Variants in HYAL4 observed in about 807,000 individuals in gnomAD.
HYAL4 encodes hyaluronidase-4.
In HYAL4, 37 loss-of-function variants were observed where a neutral mutation model predicts 35.2. The observed-to-expected ratio is 1.05, with a 90% confidence interval of 0.81 to 1.38. The LOEUF (loss-of-function observed/expected upper bound fraction) is 1.38. HYAL4 is among the 40% of genes most tolerant of loss of function. HYAL4 has a pLI of 0.00. For missense variants in HYAL4, 572 were observed against 572.4 expected (o/e 1.00, Z 0.01); for synonymous variants, 198 against 203.2 (o/e 0.97, Z 0.22).
intron 2 of HYAL4, among the ~76,000 whole-genome samples, chr7:123,849,181 T>C (rs1242571896): frequency 6.6e-6 from 1 of 152,160 alleles, no homozygotes; most frequent in Non-Finnish European, 1.5e-5. Context: ...TGTATGTATG[T>C]ATATAAAGTG....
intron 2 of HYAL4, among the ~76,000 whole-genome samples, chr7:123,863,178 T>C (rs981467786): frequency 2.0e-5 from 3 of 152,210 alleles, no homozygotes; most frequent in African/African-American, 7.2e-5. Flanking sequence ...ATTTATTATC[T>C]CCCTCCCCTA....
the HYAL4 span, among the ~76,000 whole-genome samples, chr7:123,802,661 C>T: frequency 1.9e-4 from 29 of 152,008 alleles, no homozygotes; most frequent in South Asian, 6.2e-4. Flanking sequence ...TACTCTTCAA[C>T]GCCCTATAGA....
chr7:123,865,041 A>G (rs1420030713), intron 2 of HYAL4, among the ~76,000 whole-genome samples: 1 of 149,904 alleles, frequency 6.7e-6, no homozygotes, highest in Non-Finnish European at 1.5e-5. Context: ...TTTCAACTAC[A>G]GTGTCTTCCC....
chr7:123,844,542 G>A (rs1806135505), upstream of HYAL4, among the ~76,000 whole-genome samples: 2 of 152,174 alleles, frequency 1.3e-5, no homozygotes, highest in South Asian at 4.1e-4. Flanking sequence ...ACGCGGTGCT[G>A]GGAGAACCAC....
At chr7:123,789,884 A>G in the HYAL4 span, among the ~76,000 whole-genome samples, 1 of 152,148 alleles carries the variant, frequency 6.6e-6, no homozygotes, top group African/African-American at 2.4e-5. Flanking sequence ...CCAGAGCGAG[A>G]GTGAGAATGA....
chr7:123,773,653 A>G, the HYAL4 span, among the ~76,000 whole-genome samples: 52,156 of 152,114 alleles, frequency 0.34, 9,208 homozygotes, highest in Middle Eastern at 0.43. Flanking sequence ...GCATGCGCAT[A>G]TACGTTTGTG....
the HYAL4 span, among the ~76,000 whole-genome samples, chr7:123,764,020 A>G: frequency 3.3e-5 from 5 of 152,208 alleles, no homozygotes; most frequent in South Asian, 4.1e-4. Flanking sequence ...TTTCACTCCA[A>G]TGCCCAGGCT....
upstream of HYAL4, among the ~76,000 whole-genome samples, chr7:123,825,739 C>T (rs1805795984): frequency 6.6e-6 from 1 of 151,838 alleles, no homozygotes; most frequent in African/African-American, 2.4e-5. Context: ...TCAATCATGT[C>T]TCTTCCTTTT....
chr7:123,809,393 CTT>C, the HYAL4 span, among the ~76,000 whole-genome samples: 10 of 129,556 alleles, frequency 7.7e-5, no homozygotes, highest in Non-Finnish European at 8.4e-5. Flanking sequence ...TTTTCTTCTT[CTT>C]TTTTTTTTTT....
the HYAL4 span, among the ~76,000 whole-genome samples, chr7:123,807,914 A>AATTATTATG: frequency 7.3e-6 from 1 of 136,572 alleles, no homozygotes; most frequent in Non-Finnish European, 1.5e-5. Context: ...TTAGCTGGAT[A>AATTATTATG]ATTATTATTA....
chr7:123,782,629 C>G, the HYAL4 span, among the ~76,000 whole-genome samples: 1 of 152,026 alleles, frequency 6.6e-6, no homozygotes, highest in Non-Finnish European at 1.5e-5. Context: ...CTCTCCCTTT[C>G]ACTTTCAAAA....
In HYAL4 at chr7:123,833,526, G is replaced by A. The variant is rs1225282838; in HGVS notation, c.-257+4402G>A. On this transcript the variant is annotated intron_variant, in intron 1 of 4. Coordinates refer to the HYAL4 transcript ENST00000489978. ...TTTTAAGATTTTCTCCCACTCTGTG[G>A]GTTGTCTGTTTACTCTGCTGACTGT... Among the ~76,000 whole-genome samples, 3 of 151,988 alleles carry A rather than the reference G, an allele frequency of 2.0e-5. No individual in the cohort carries two copies. In the East Asian group the frequency reaches 5.8e-4, roughly 29 times the overall value.
At chr7:123,866,951 A>G (rs1806704372) in intron 2 of HYAL4, among the ~76,000 whole-genome samples, 1 of 152,026 alleles carries the variant, frequency 6.6e-6, no homozygotes, top group Admixed American at 6.5e-5. Context: ...CCACCACGCC[A>G]AGCTAATTTT....
chr7:123,819,983 C>CA, the HYAL4 span, among the ~76,000 whole-genome samples: 1 of 151,470 alleles, frequency 6.6e-6, no homozygotes, highest in East Asian at 2.0e-4. Context: ...CTCTGCCTCC[C>CA]AGGTACAAGT....
the HYAL4 span, among the ~76,000 whole-genome samples, chr7:123,805,910 C>T: frequency 1.3e-5 from 2 of 152,098 alleles, no homozygotes; most frequent in African/African-American, 2.4e-5. Flanking sequence ...GGGAGAATCA[C>T]TTGAACCCGG....
At chr7:123,849,374 C>T (rs1236995119) in intron 2 of HYAL4, among the ~76,000 whole-genome samples, 5 of 151,920 alleles carry the variant, frequency 3.3e-5, no homozygotes, top group South Asian at 2.1e-4. Flanking sequence ...GATCTTGGCT[C>T]ACTGCAACTT....
chr7:123,843,053 T>C (rs1806100166), upstream of HYAL4, among the ~76,000 whole-genome samples: 1 of 151,858 alleles, frequency 6.6e-6, no homozygotes, highest in African/African-American at 2.4e-5. Flanking sequence ...GATGTTAGCT[T>C]GTTATTTTGC....
chr7:123,766,446 CG>C, the HYAL4 span, among the ~76,000 whole-genome samples: 1 of 151,968 alleles, frequency 6.6e-6, no homozygotes, highest in East Asian at 1.9e-4. Context: ...TTGAAACCCC[CG>C]GGTAACCTAA....
chr7:123,782,073 T>TATG, the HYAL4 span, among the ~76,000 whole-genome samples: 50,784 of 151,874 alleles, frequency 0.33, 8,784 homozygotes, highest in Middle Eastern at 0.43. Flanking sequence ...CATGGGCTAA[T>TATG]ATGCTTCCCC....
Sources: allele counts gnomAD v4.1 joint callset (sites outside exome capture counted in the v4.1 genomes callset), GRCh38; gene constraint gnomAD v4.1.1; transcripts MANE v1.5; gene names NCBI Gene and HGNC (gene_info 2026-07-23, HGNC 2026-07-21).